Variants in ATP13A3 observed in about 807,000 individuals in gnomAD.
The protein encoded by ATP13A3 is ATPase 13A3.
ATP13A3 carries 59 observed loss-of-function variants against 158.1 expected under a neutral mutation model. That is an observed-to-expected ratio of 0.37 (90% confidence interval 0.30 to 0.46). ATP13A3 has a LOEUF of 0.46. ATP13A3 is among the 20% of genes least tolerant of loss of function. The pLI is 1.00. For synonymous variants in ATP13A3, 491 were observed against 504.3 expected, an observed-to-expected ratio of 0.97 and a Z score of 0.35; for missense variants, 1,166 against 1,525.2, an observed-to-expected ratio of 0.76 and a Z score of 3.92.
intron 13 of ATP13A3, among the ~76,000 whole-genome samples, chr3:194,447,568 GT>G (rs983781002): frequency 6.0e-5 from 9 of 149,882 alleles, no homozygotes; most frequent in East Asian, 1.9e-4. Context: ...ATGTGGGGGG[GT>G]TTTTTTTCCT....
chr3:194,450,491 G>A, intron 10 of ATP13A3: 1 of 496,642 alleles, frequency 2.0e-6, no homozygotes, highest in Non-Finnish European at 3.6e-6. Context: ...GACACCAGCT[G>A]TGCACCGGTG....
At position 194,413,863 on chromosome 3, in the gene ATP13A3, G is replaced by T. The variant is rs745914777; in HGVS notation, c.3403-24C>A. ...ATCTGTAATGCAAAAACATTTTAAA[G>T]TTAAAATTGTTGTATGTAGTCAATA... On this transcript the variant is annotated intron_variant, in intron 31 of 33. Coordinates refer to ENST00000645319, the MANE Select transcript of ATP13A3 (RefSeq NM_001367549.1). 10 of 1,584,384 alleles carry T rather than the reference G, an allele frequency of 6.3e-6. No individual in the cohort carries two copies. The South Asian group carries it at 1.1e-4, about 18-fold the overall frequency.
chr3:194,470,438 C>T (rs905624149), intron 2 of ATP13A3, among the ~76,000 whole-genome samples: 15 of 152,218 alleles, frequency 9.9e-5, no homozygotes, highest in African/African-American at 3.6e-4. Context: ...TCGCTTTTAT[C>T]ATATACTCTA....
At chr3:194,472,002 T>A (rs1720328660) in intron 2 of ATP13A3, 1 of 152,650 alleles carries the variant, frequency 6.6e-6, no homozygotes, top group African/African-American at 2.4e-5. Context: ...GTATGCCCCC[T>A]GACCAGAAGA....
At position 194,448,083 on chromosome 3, in the gene ATP13A3, T is replaced by C. The variant is rs1718527989; in HGVS notation, c.1151-74A>G. On this transcript the variant is annotated intron_variant, in intron 12 of 33. Coordinates refer to ENST00000645319, the MANE Select transcript of ATP13A3 (RefSeq NM_001367549.1). This position sits in a 1 kb window ranked among gnomAD's most constrained non-coding sequence, Gnocchi z 4.0. ...ATTATCTCCCAAAACAGAATCTCTC[T>C]TTTTTTTTTTTTGAGACAGAGTCTC... 5.2e-6 allele frequency: 2 copies of C among 385,430 alleles called. No homozygotes were observed. Among genetic ancestry groups the C allele is most frequent in the East Asian group, 8.7e-5 (1 of 11,510 alleles). The allele number at this position is 385,430 out of a possible 1,614,324, so 23.9% of individuals were successfully genotyped here. A position where few individuals can be genotyped will look rare whatever the true frequency, so the allele number is the denominator to read the frequency against.
intron 33 of ATP13A3, among the ~76,000 whole-genome samples, chr3:194,407,216 TC>T: frequency 6.6e-6 from 1 of 152,332 alleles, no homozygotes; most frequent in Middle Eastern, 3.4e-3. Context: ...CTGTTGCTTC[TC>T]CAAAATGAAA....
intron 2 of ATP13A3, among the ~76,000 whole-genome samples, chr3:194,471,342 A>AG (rs1481897683): frequency 2.0e-5 from 3 of 151,062 alleles, no homozygotes; most frequent in Admixed American, 6.6e-5. Context: ...AAAAAAAAAA[A>AG]AAAAAGAAAA....
Position 194,427,176 on chromosome 3 carries a change from G to T in ATP13A3, c.3024C>A (p.Phe1008Leu), listed in dbSNP as rs1330155398. The T allele has an allele frequency of 3.1e-6, 5 of 1,613,702 alleles. No individual in the cohort carries two copies. The highest frequency in any genetic ancestry group is 2.2e-5 in the East Asian group (1 of 44,876). Residue 1008 changes from phenylalanine to leucine, a missense_variant, in exon 29 of 34, where the codon TTC becomes TTA. Physicochemically the swap from Phe to Leu is conservative, Grantham distance 22. Coordinates refer to ENST00000645319, the MANE Select transcript of ATP13A3 (RefSeq NM_001367549.1). ...AGATGATAATCTGAGACAAAACGGA[G>T]AAGAGAAGGGCCCCAGATATAAGAC... ...PSGLISGALLFSVLSQIIICI... is the reference protein window; with the variant it reads ...PSGLISGALLLSVLSQIIICI...
intron 2 of ATP13A3, among the ~76,000 whole-genome samples, chr3:194,479,301 TTAGTC>T (rs1720658393): frequency 6.6e-6 from 1 of 152,206 alleles, no homozygotes; most frequent in African/African-American, 2.4e-5. Context: ...GTGTGCTAGG[TTAGTC>T]TAGTCTTTCA....
intron 11 of ATP13A3, among the ~76,000 whole-genome samples, chr3:194,449,485 G>C (rs1217974810): frequency 6.6e-6 from 1 of 152,132 alleles, no homozygotes; most frequent in East Asian, 1.9e-4. Flanking sequence ...TTCACGACCA[G>C]CCTGGCCAAC....
chr3:194,458,846 C>A (rs1379538210), intron 6 of ATP13A3, among the ~76,000 whole-genome samples: 1 of 152,064 alleles, frequency 6.6e-6, no homozygotes, highest in African/African-American at 2.4e-5. Flanking sequence ...TAGAAACCTA[C>A]AGGTATGAAT....
At chr3:194,414,844 G>A (rs1460505900) in intron 31 of ATP13A3, among the ~76,000 whole-genome samples, 3 of 152,230 alleles carry the variant, frequency 2.0e-5, no homozygotes, top group Non-Finnish European at 2.9e-5. Flanking sequence ...GATCTGTTGG[G>A]TGGAACACCC....
chr3:194,427,024 T>G lies in ATP13A3; in HGVS notation c.3125+51A>C. The G allele has an allele frequency of 2.6e-6, 4 of 1,531,836 alleles. No individual in the cohort carries two copies. In the African/African-American group the frequency reaches 5.6e-5, roughly 22 times the overall value. The allele number at this position is 1,531,836 out of a possible 1,614,324, so 94.9% of individuals were successfully genotyped here. A position where few individuals can be genotyped will look rare whatever the true frequency, so the allele number is the denominator to read the frequency against. On this transcript the variant is annotated intron_variant, in intron 29 of 33. Transcript: ENST00000645319. ...AACTTCTAAACTCATTTTTATATCA[T>G]ATATGTTGCACATATTTTATATAGA... is the stretch of plus-strand genomic sequence containing the variant.
chr3:194,423,608 C>T (rs1716545200), intron 30 of ATP13A3, among the ~76,000 whole-genome samples: 1 of 152,212 alleles, frequency 6.6e-6, no homozygotes, highest in South Asian at 2.1e-4. Context: ...GAGAGAAGTA[C>T]ACAAGCTGCT....
intron 21 of ATP13A3, among the ~76,000 whole-genome samples, chr3:194,433,232 CTTTTTTT>C (rs71637136): frequency 8.8e-6 from 1 of 113,658 alleles, no homozygotes; most frequent in African/African-American, 3.5e-5. Context: ...TTTTACTATT[CTTTTTTT>C]TTTTTTTTTT....
At chr3:194,454,137 A>C in intron 9 of ATP13A3, 121 bp downstream of exon 9, 1 of 1,032,124 alleles carries the variant, frequency 9.7e-7, no homozygotes, top group Non-Finnish European at 1.4e-6. Context: ...GCATATATTC[A>C]TGCAACTAAA....
At chr3:194,450,066 A>G in intron 11 of ATP13A3, 79 bp downstream of exon 11, 5 of 1,450,814 alleles carry the variant, frequency 3.4e-6, no homozygotes, top group Non-Finnish European at 3.8e-6. Context: ...GACATAGCTA[A>G]TTTTGAAAAG....
chr3:194,475,612 G>T (rs1232477473), intron 2 of ATP13A3, among the ~76,000 whole-genome samples: 1 of 152,080 alleles, frequency 6.6e-6, no homozygotes, highest in Non-Finnish European at 1.5e-5. Context: ...AGTTGCTATT[G>T]AAGAAGTTAA....
At position 194,429,738 on chromosome 3, in the gene ATP13A3, C is replaced by G. The variant is rs1273126515; in HGVS notation, c.2814G>C (p.Val938=). ...GRAALITSFC[V]FKFMALYSII... Reference sequence around the variant, plus strand: ...TGCTGTACAATGCCATGAATTTAAACACACAGAAGGAAGTTATTAAAGCAG... The same window carrying G: ...TGCTGTACAATGCCATGAATTTAAAGACACAGAAGGAAGTTATTAAAGCAG... Residue 938 remains valine (V), a synonymous_variant, in exon 27 of 34, where the codon GTG becomes GTC. Coordinates refer to ENST00000645319, the MANE Select transcript of ATP13A3 (RefSeq NM_001367549.1). 1.2e-6 allele frequency: 2 copies of G among 1,613,990 alleles called. No individual in the cohort carries two copies. The highest frequency in any genetic ancestry group is 3.3e-5 in the Admixed American group (2 of 60,028).
Sources: allele counts gnomAD v4.1 joint callset (sites outside exome capture counted in the v4.1 genomes callset), GRCh38; gene constraint gnomAD v4.1.1; non-coding constraint Gnocchi (gnomAD v3.1); transcripts MANE v1.5; gene names NCBI Gene and HGNC (gene_info 2026-07-23, HGNC 2026-07-21).